FIG4: variants seen among roughly 807,000 people sequenced by gnomAD.
The protein encoded by FIG4 is FIG4 phosphoinositide 5-phosphatase.
FIG4 carries 112 observed loss-of-function variants against 118.6 expected under a neutral mutation model. The ratio of observed to expected loss-of-function variants is 0.94; its 90% CI spans 0.81 to 1.11. The LOEUF (loss-of-function observed/expected upper bound fraction) is 1.11. FIG4 is among the 50% of genes least tolerant of loss of function. The pLI, the probability that FIG4 is intolerant of heterozygous loss-of-function variation, is 0.00. For missense variants in FIG4, 969 were observed against 1,111.7 expected (o/e 0.87, Z 1.83); for synonymous variants, 369 against 381.2 (o/e 0.97, Z 0.37).
intron 10 of FIG4, among the ~76,000 whole-genome samples, chr6:109,756,753 G>T (rs372456705): frequency 6.6e-6 from 1 of 152,036 alleles, no homozygotes; most frequent in Non-Finnish European, 1.5e-5. Context: ...CTGCATTCTT[G>T]ACGTAGTTCT....
intron 10 of FIG4, among the ~76,000 whole-genome samples, chr6:109,748,729 G>A (rs1318953349): frequency 6.6e-6 from 1 of 152,114 alleles, no homozygotes; most frequent in Non-Finnish European, 1.5e-5. Context: ...AATCATATCG[G>A]AAAGCAAAAG....
chr6:109,795,396 A>T (rs1007467556), intron 21 of FIG4, among the ~76,000 whole-genome samples: 35 of 152,152 alleles, frequency 2.3e-4, no homozygotes, highest in African/African-American at 7.5e-4. Flanking sequence ...ATAAAGTTGG[A>T]TAAAAGTAAG....
chr6:109,771,461 C>CTTTTTTTTTTTTTTTTTTTT (rs71018367), intron 15 of FIG4, among the ~76,000 whole-genome samples: 1 of 86,000 alleles, frequency 1.2e-5, no homozygotes, highest in Non-Finnish European at 2.1e-5. Flanking sequence ...TCCTCTAATT[C>CTTTTTTTTTTTTTTTTTTTT]TTTTTTTTTT....
At chr6:109,753,851 G>A (rs2128389410) in intron 10 of FIG4, among the ~76,000 whole-genome samples, 1 of 152,296 alleles carries the variant, frequency 6.6e-6, no homozygotes, top group South Asian at 2.1e-4. Context: ...TGAGACAATA[G>A]GGTTTTCTAG....
intron 10 of FIG4, among the ~76,000 whole-genome samples, chr6:109,754,883 C>G (rs1337156876): frequency 2.6e-5 from 4 of 152,102 alleles, no homozygotes; most frequent in Admixed American, 2.6e-4. Flanking sequence ...TTTCAAAAAA[C>G]CAGCTCCTGG....
At chr6:109,777,961 C>T (rs770234943) in intron 16 of FIG4, among the ~76,000 whole-genome samples, 3 of 152,200 alleles carry the variant, frequency 2.0e-5, no homozygotes, top group Non-Finnish European at 4.4e-5. Context: ...ATTGTGAGGA[C>T]TTAATGAGGA....
chr6:109,766,913 G>C lies in FIG4; in HGVS notation c.1750+18G>C. The C allele has an allele frequency of 6.2e-7, 1 of 1,608,814 alleles. No individual in the cohort carries two copies. Among genetic ancestry groups the C allele is most frequent in the Non-Finnish European group, 8.5e-7 (1 of 1,175,294 alleles). ...TTTTTCAGGTAATTCTGAAGTAATA[G>C]CTATTTTTAAGACTTACTCTGAAGT... On this transcript the variant is annotated intron_variant, in intron 15 of 22. Coordinates refer to ENST00000230124, the MANE Select transcript of FIG4 (RefSeq NM_014845.6).
chr6:109,736,727 T>C (rs138613754), intron 6 of FIG4, among the ~76,000 whole-genome samples: 420 of 152,260 alleles, frequency 2.8e-3, no homozygotes, highest in Non-Finnish European at 4.5e-3. Context: ...GGTGTATTAG[T>C]TTCTTCTTGT....
intron 4 of FIG4, among the ~76,000 whole-genome samples, chr6:109,729,758 AGTGAGACCCTGCCT>A (rs1355321265): frequency 3.3e-4 from 47 of 144,240 alleles, no homozygotes; most frequent in Non-Finnish European, 6.3e-4. Flanking sequence ...TAGGTGACAG[AGTGAGACCCTGCCT>A]CAAAAAAAAA....
intron 10 of FIG4, among the ~76,000 whole-genome samples, chr6:109,744,803 C>G (rs183834346): frequency 2.6e-5 from 4 of 151,624 alleles, no homozygotes; most frequent in East Asian, 3.9e-4. Flanking sequence ...CCCCCACCCC[C>G]CAACAGGCCC....
intron 1 of FIG4, among the ~76,000 whole-genome samples, chr6:109,695,840 T>A (rs1008995669): frequency 1.2e-4 from 18 of 152,244 alleles, no homozygotes; most frequent in African/African-American, 4.3e-4. Context: ...CTGATCTGGG[T>A]GAAACAGCGT....
intron 1 of FIG4, among the ~76,000 whole-genome samples, chr6:109,700,628 C>T (rs545581429): frequency 2.6e-5 from 4 of 152,258 alleles, no homozygotes; most frequent in Admixed American, 2.6e-4. Flanking sequence ...CTGAAATGCT[C>T]CAAAATCCAA....
At chr6:109,786,913 C>G (rs1162150749) in intron 18 of FIG4, among the ~76,000 whole-genome samples, 1 of 152,094 alleles carries the variant, frequency 6.6e-6, no homozygotes, top group African/African-American at 2.4e-5. Flanking sequence ...CTCTCCCCCA[C>G]ACACACACGC....
At chr6:109,697,021 A>C (rs1459803052) in intron 1 of FIG4, among the ~76,000 whole-genome samples, 1 of 152,074 alleles carries the variant, frequency 6.6e-6, no homozygotes, top group African/African-American at 2.4e-5. Flanking sequence ...CAATTATTAC[A>C]TGTTACCTAA....
At chr6:109,760,633 A>C (rs144068740) in intron 11 of FIG4, among the ~76,000 whole-genome samples, 69 of 152,312 alleles carry the variant, frequency 4.5e-4, no homozygotes, top group Middle Eastern at 3.4e-3. Context: ...TGTTCCTTAA[A>C]GGCATTAGTT....
intron 11 of FIG4, among the ~76,000 whole-genome samples, chr6:109,760,983 T>G (rs1414673696): frequency 1.3e-5 from 2 of 152,208 alleles, no homozygotes; most frequent in Admixed American, 6.5e-5. Flanking sequence ...TCTAAGGAAC[T>G]TACTTTTGTT....
At chr6:109,756,680 T>C (rs1244556094) in intron 10 of FIG4, among the ~76,000 whole-genome samples, 1 of 152,222 alleles carries the variant, frequency 6.6e-6, no homozygotes, top group Admixed American at 6.5e-5. Context: ...CTTCATTTCA[T>C]TCATTTCATC....
chr6:109,765,731 A>G (rs1356501807), intron 14 of FIG4, among the ~76,000 whole-genome samples: 1 of 152,232 alleles, frequency 6.6e-6, no homozygotes, highest in Non-Finnish European at 1.5e-5. Flanking sequence ...AAGATGTATA[A>G]AAGATTGATT....
intron 6 of FIG4, among the ~76,000 whole-genome samples, chr6:109,735,539 G>A (rs1776136130): frequency 1.3e-5 from 2 of 152,044 alleles, no homozygotes; most frequent in South Asian, 2.1e-4. Flanking sequence ...AATTATTCAC[G>A]TACTTTTTAT....
Sources: gnomAD v4.1 joint callset for allele counts (sites outside exome capture counted in the v4.1 genomes callset) on GRCh38, gnomAD v4.1.1 for gene constraint, MANE v1.5 for transcripts, NCBI Gene and HGNC (gene_info 2026-07-23, HGNC 2026-07-21) for gene names.